The following VWA3A variants were observed in gnomAD, a reference collection of about 807,000 sequenced individuals.
The protein encoded by VWA3A is von Willebrand factor A domain containing 3A.
In VWA3A, 134 loss-of-function variants were observed where a neutral mutation model predicts 160.4. The observed-to-expected ratio is 0.84, with a 90% confidence interval of 0.73 to 0.96. VWA3A has a LOEUF of 0.96. Among genes scored for constraint, VWA3A ranks in the 40% least tolerant of loss-of-function variants. VWA3A has a pLI of 0.00. For synonymous variants in VWA3A, 476 were observed against 543.4 expected (o/e 0.88, Z 1.72); for missense variants, 1,310 against 1,447.9 (o/e 0.90, Z 1.55).
intron 5 of VWA3A, among the ~76,000 whole-genome samples, chr16:22,102,429 A>G (rs916086251): frequency 6.6e-6 from 1 of 152,148 alleles, no homozygotes; most frequent in Non-Finnish European, 1.5e-5. Context: ...TTATGACTCT[A>G]TCTACCACCC....
In VWA3A at chr16:22,097,616, A is replaced by G. The variant is rs1198075628; in HGVS notation, c.146A>G (p.Gln49Arg). 1 of 1,551,932 alleles carries G rather than the reference A, an allele frequency of 6.4e-7. No individual in the cohort carries two copies. The highest frequency in any genetic ancestry group is 2.0e-5 in the Admixed American group (1 of 51,014). ...TGRDSKKPLKQKNMNGLGQNS... is the reference protein window; with the variant it reads ...TGRDSKKPLKRKNMNGLGQNS... ...AGAGATTCAAAGAAGCCACTAAAGC[A>G]GAAGAATATGAATGGACTTGGGCAA... The change falls in exon 3 of 34, where the codon CAG (glutamine) becomes CGG (arginine). Residue 49 changes from glutamine (Q) to arginine (R), a missense_variant. Coordinates refer to ENST00000389398, the MANE Select transcript of VWA3A (RefSeq NM_173615.5).
Position 22,152,584 on chromosome 16 carries a change from A to G in VWA3A, c.3355A>G (p.Thr1119Ala), listed in dbSNP as rs745751793. The change falls in exon 31 of 34, where the codon ACA becomes GCA. Residue 1119 changes from threonine to alanine, a missense_variant. Transcript: ENST00000389398. ...CTATCACTGCCCTGTGGGTGAGGAC[A>G]CACTCTCCAAAATTCACAGCCTGCT... ...GRYHCPVGED[T>A]LSKIHSLLTK... The G allele has an allele frequency of 6.2e-7, 1 of 1,611,282 alleles. No homozygotes were observed. Among genetic ancestry groups the G allele is most frequent in the Non-Finnish European group, 8.5e-7 (1 of 1,178,760 alleles).
chr16:22,147,027 T>C (rs893506682), intron 27 of VWA3A, among the ~76,000 whole-genome samples: 1 of 152,154 alleles, frequency 6.6e-6, no homozygotes, highest in Non-Finnish European at 1.5e-5. Flanking sequence ...AGAAACCCTC[T>C]GTTTTGTTTT....
Position 22,119,105 on chromosome 16 carries a change from C to T in VWA3A, c.1116+78C>T, listed in dbSNP as rs2045692365. 2.0e-6 allele frequency: 3 copies of T among 1,466,744 alleles called. No individual in the cohort carries two copies. The Admixed American group carries it at 6.9e-5, about 34-fold the overall frequency. 90.9% of individuals were successfully genotyped at this position (1,466,744 alleles called of 1,614,324 possible). A position where few individuals can be genotyped will look rare whatever the true frequency, so the allele number is the denominator to read the frequency against. On this transcript the variant is annotated intron_variant, in intron 12 of 33. Transcript: ENST00000389398. ...GCCTCGTTCCCCTTTCTCACCTGTT[C>T]ATAGGGGGCACAGCTGCCAGTGCCT... is the stretch of plus-strand genomic sequence containing the variant.
chr16:22,156,282 C>T lies in VWA3A; in HGVS notation c.*265C>T, dbSNP rs927119908. 2 of 208,594 alleles carry T rather than the reference C, an allele frequency of 9.6e-6. No homozygotes were observed. The highest frequency in any genetic ancestry group is 1.9e-5 in the Non-Finnish European group (2 of 104,482). The allele number at this position is 208,594 out of a possible 1,614,324, so 12.9% of individuals were successfully genotyped here. On this transcript the variant is annotated 3_prime_UTR_variant, in exon 34 of 34. Transcript: ENST00000389398. ...CCTCTCTGGGAAGCCCTAAACCAAC[C>T]CCCTGCCTAAATGGTGGTGCTTCTT... is the stretch of plus-strand genomic sequence containing the variant.
chr16:22,155,240 C>T lies in VWA3A; in HGVS notation c.3406-327C>T, dbSNP rs143178501. Among the ~76,000 whole-genome samples, 22 of 152,160 alleles carry T rather than the reference C, an allele frequency of 1.4e-4. No individual in the cohort carries two copies. In the East Asian group the frequency reaches 3.9e-3, roughly 27 times the overall value. Reference sequence around the variant, plus strand: ...TGGCTGAACAGATTCTACTGAATAGCGCTGAGATAAGGAAACGGTGTCATT... The same window carrying T: ...TGGCTGAACAGATTCTACTGAATAGTGCTGAGATAAGGAAACGGTGTCATT... On this transcript the variant is annotated intron_variant, in intron 31 of 33. Transcript: ENST00000389398.
chr16:22,117,344 A>G (rs1166930282), intron 11 of VWA3A, among the ~76,000 whole-genome samples, 168 bp downstream of exon 11: 2 of 152,202 alleles, frequency 1.3e-5, no homozygotes, highest in Non-Finnish European at 2.9e-5. Flanking sequence ...GTTAGAATGA[A>G]TATGTGGGAA....
At position 22,113,393 on chromosome 16, in the gene VWA3A, T is replaced by TTTTTTTTTTTTA. The variant is rs1271397683; in HGVS notation, c.690-1951_690-1950insTTTTTTTTATTT. On this transcript the variant is annotated intron_variant, in intron 8 of 33. Transcript: ENST00000389398. ...TTTTTTTTTTTTTTTTTTTTTTTTT[T>TTTTTTTTTTTTA]TTTGTATTTTTAGTAGAGACAAGGT... 1.6e-5 allele frequency among the ~76,000 whole-genome samples: 2 copies of TTTTTTTTTTTTA among 125,572 alleles called. 1 individual carries two copies. The highest frequency in any genetic ancestry group is 1.5e-4 in the Admixed American group (2 of 12,924). The allele number at this position is 125,572 out of a possible 152,430, so 82.4% of individuals were successfully genotyped here.
intron 31 of VWA3A, among the ~76,000 whole-genome samples, chr16:22,154,960 C>CAAAAAAAAAAAAAA (rs747770335): frequency 1.7e-4 from 9 of 54,428 alleles, no homozygotes; most frequent in South Asian, 5.8e-4. Context: ...GACTCCGTCT[C>CAAAAAAAAAAAAAA]AAAAAAAAAA....
intron 23 of VWA3A, chr16:22,141,094 CA>C (rs2141994192): frequency 2.3e-6 from 1 of 429,726 alleles, no homozygotes; most frequent in Non-Finnish European, 4.7e-6. Flanking sequence ...AACTGAGGCT[CA>C]GGGGGGTAAG....
At chr16:22,095,490 T>C (rs1395794650) in intron 1 of VWA3A, among the ~76,000 whole-genome samples, 2 of 152,114 alleles carry the variant, frequency 1.3e-5, no homozygotes, top group East Asian at 1.9e-4. Context: ...ATCCTAGAAA[T>C]AGAGAAGGCT....
intron 22 of VWA3A, 50 bp from the exon 23 acceptor site, chr16:22,140,104 G>A (rs756887940): frequency 8.9e-6 from 14 of 1,570,964 alleles, no homozygotes; most frequent in South Asian, 1.1e-5. Context: ...CTGGGATCCT[G>A]CGTGACACAG....
intron 11 of VWA3A, among the ~76,000 whole-genome samples, chr16:22,118,644 C>T (rs2141902259): frequency 6.6e-6 from 1 of 152,306 alleles, no homozygotes; most frequent in South Asian, 2.1e-4. Context: ...CGATATTGTG[C>T]CACTGCACTC....
chr16:22,150,257 C>T (rs1027733344), intron 29 of VWA3A, among the ~76,000 whole-genome samples: 19 of 152,162 alleles, frequency 1.2e-4, no homozygotes, highest in Non-Finnish European at 2.2e-4. Flanking sequence ...AAAGATTAGC[C>T]GGGCGTGGTG....
intron 16 of VWA3A, among the ~76,000 whole-genome samples, chr16:22,125,361 G>A (rs1567209546): frequency 6.6e-6 from 1 of 151,930 alleles, no homozygotes; most frequent in Non-Finnish European, 1.5e-5. Flanking sequence ...ACTCCAGCCT[G>A]GGCAACAGAG....
intron 22 of VWA3A, among the ~76,000 whole-genome samples, 165 bp from the exon 23 acceptor site, chr16:22,139,989 C>T (rs2141990224): frequency 6.6e-6 from 1 of 152,208 alleles, no homozygotes; most frequent in South Asian, 2.1e-4. Flanking sequence ...ACCCAGAGTC[C>T]CTTCTGAATC....
chr16:22,105,173 A>G lies in VWA3A; in HGVS notation c.483+1644A>G, dbSNP rs117804414. Among the ~76,000 whole-genome samples the G allele has an allele frequency of 4.5e-4, 69 of 152,234 alleles. 1 individual carries two copies. The East Asian group carries it at 0.011, about 25-fold the overall frequency. On this transcript the variant is annotated intron_variant, in intron 6 of 33. Transcript: ENST00000389398. ...GACCCCACGGGAATGAAATCCTCCC[A>G]TACTCCATAGGCATCCACGTAGGGC...
At position 22,141,563 on chromosome 16, in the gene VWA3A, C is replaced by T. The variant is rs1468492616; in HGVS notation, c.2384-19C>T. 1 of 1,595,940 alleles carries T rather than the reference C, an allele frequency of 6.3e-7. No homozygotes were observed. Among genetic ancestry groups the T allele is most frequent in the African/African-American group, 1.3e-5 (1 of 74,562 alleles). On this transcript the variant is annotated intron_variant, in intron 23 of 33. Coordinates refer to ENST00000389398, the MANE Select transcript of VWA3A (RefSeq NM_173615.5). ...GAATGCATGCAGCTGCTCCAGCCAA[C>T]AAGCCAAATGTTCCTCAGCTGCGGC...
At chr16:22,101,644 A>G (rs983873653) in intron 5 of VWA3A, among the ~76,000 whole-genome samples, 1 of 152,018 alleles carries the variant, frequency 6.6e-6, no homozygotes, top group African/African-American at 2.4e-5. Flanking sequence ...TAAAACCATC[A>G]CTCTCAAGCC....
Sources: gnomAD v4.1 joint callset for allele counts (sites outside exome capture counted in the v4.1 genomes callset) on GRCh38, gnomAD v4.1.1 for gene constraint, MANE v1.5 for transcripts, NCBI Gene and HGNC (gene_info 2026-07-23, HGNC 2026-07-21) for gene names.